Variants in CLMN observed in about 807,000 individuals in gnomAD.
The protein encoded by CLMN is calmin.
Under a neutral mutation model 92.7 loss-of-function variants are expected in CLMN, and 57 were observed. The ratio of observed to expected loss-of-function variants is 0.61; its 90% CI spans 0.50 to 0.77. CLMN has a LOEUF of 0.77. Ranked by LOEUF, CLMN falls within the 30% of genes least tolerant of loss-of-function variation. CLMN has a pLI of 0.00. For synonymous variants in CLMN, 466 were observed against 470.6 expected, an observed-to-expected ratio of 0.99 and a Z score of 0.13; for missense variants, 1,158 against 1,237.5, an observed-to-expected ratio of 0.94 and a Z score of 0.96.
At chr14:95,289,506 TAAAC>T (rs765758306) in intron 1 of CLMN, among the ~76,000 whole-genome samples, 8,556 of 65,688 alleles carry the variant, frequency 0.13, 326 homozygotes, top group East Asian at 0.4. Flanking sequence ...AATAAATAAA[TAAAC>T]AAACAAACAA....
At position 95,189,119 on chromosome 14, in the gene CLMN, A is replaced by G. The variant is rs1896504057; in HGVS notation, c.*2445T>C. ...GTGCTCCAGGTAATGTCAACACCTA[A>G]TAGAAATGTACTAAATGATGTGATC... On this transcript the variant is annotated 3_prime_UTR_variant, in exon 13 of 13. Coordinates refer to ENST00000298912, the MANE Select transcript of CLMN (RefSeq NM_024734.4). 6.6e-6 allele frequency: 1 copy of G among 152,220 alleles called. No homozygotes were observed. Among genetic ancestry groups the G allele is most frequent in the Admixed American group, 6.5e-5 (1 of 15,284 alleles). 9.4% of individuals were successfully genotyped at this position (152,220 alleles called of 1,614,324 possible).
rs375781840 is a variant in CLMN at position 95,196,587 on chromosome 14, G to A, written c.2619C>T (p.His873=). ...KKKEKRKHVD[H]VESSLFVAPG... ...GTGCTACAAATAGTGAACTTTCTAC[G>A]TGGTCCACATGTTTCCTTTTTTCCT... The change falls in exon 10 of 13, where the codon CAC becomes CAT. Residue 873 remains histidine, a synonymous_variant. Coordinates refer to ENST00000298912, the MANE Select transcript of CLMN (RefSeq NM_024734.4). The A allele has an allele frequency of 2.1e-5, 34 of 1,614,194 alleles. No individual in the cohort carries two copies. Among genetic ancestry groups the A allele is most frequent in the Middle Eastern group, 3.3e-4 (2 of 6,062 alleles).
At chr14:95,196,202 A>C (rs1896706705) in intron 10 of CLMN, among the ~76,000 whole-genome samples, 1 of 152,044 alleles carries the variant, frequency 6.6e-6, no homozygotes, top group African/African-American at 2.4e-5. Flanking sequence ...GTTCACCCCC[A>C]CGCCTACCTA....
chr14:95,193,810 T>C (rs1896620512), intron 12 of CLMN, 39 bp downstream of exon 12: 4 of 1,609,548 alleles, frequency 2.5e-6, no homozygotes, highest in Non-Finnish European at 3.4e-6. Flanking sequence ...AAAAACATTT[T>C]ATTACTACCC....
chr14:95,233,294 CAT>C, intron 1 of CLMN, among the ~76,000 whole-genome samples: 1 of 152,230 alleles, frequency 6.6e-6, no homozygotes, highest in East Asian at 1.9e-4. Flanking sequence ...ACAGTCTACA[CAT>C]AACTCATCTA....
chr14:95,207,334 G>C (rs1230594163), intron 8 of CLMN, among the ~76,000 whole-genome samples: 5 of 152,090 alleles, frequency 3.3e-5, no homozygotes, highest in Admixed American at 6.5e-5. Flanking sequence ...TGCCCAGGCT[G>C]GTCTTTAACT....
At chr14:95,196,360 GAGGATT>G in intron 10 of CLMN, 132 bp downstream of exon 10, 1 of 850,806 alleles carries the variant, frequency 1.2e-6, no homozygotes, top group Admixed American at 3.0e-5. Context: ...TGTAGAGAAT[GAGGATT>G]GTGTATGAAG....
Position 95,213,344 on chromosome 14 carries a change from C to G in CLMN, c.483G>C (p.Gly161=), listed in dbSNP as rs746786368. Reference sequence around the variant, plus strand: ...GGAAGGATGAGTCTGAGTCTGTGCCCCCTGAGCCAGGGGACAAGCTGGAAG... The same window carrying G: ...GGAAGGATGAGTCTGAGTCTGTGCCGCCTGAGCCAGGGGACAAGCTGGAAG... ...SPSSSLSPGS[G]GTDSDSSFPP... The change falls in exon 6 of 13, where the codon GGG becomes GGC. Residue 161 remains glycine, a synonymous_variant. Coordinates refer to ENST00000298912, the MANE Select transcript of CLMN (RefSeq NM_024734.4). The G allele has an allele frequency of 6.2e-7, 1 of 1,613,296 alleles. No individual in the cohort carries two copies. The highest frequency in any genetic ancestry group is 1.1e-5 in the South Asian group (1 of 90,890).
intron 1 of CLMN, among the ~76,000 whole-genome samples, chr14:95,305,813 C>A (rs780896134): frequency 6.6e-6 from 1 of 152,194 alleles, no homozygotes; most frequent in African/African-American, 2.4e-5. Context: ...AAGCAGGATG[C>A]AAACAGAGGA....
At chr14:95,211,157 G>A (rs1210779157) in intron 6 of CLMN, among the ~76,000 whole-genome samples, 2 of 152,220 alleles carry the variant, frequency 1.3e-5, no homozygotes, top group Admixed American at 1.3e-4. Context: ...CAACTGTATA[G>A]ACCATTCCTT....
chr14:95,204,164 G>C lies in CLMN; in HGVS notation c.1185C>G (p.Thr395=), dbSNP rs777611166. 6.2e-7 allele frequency: 1 copy of C among 1,614,108 alleles called. No homozygotes were observed. The highest frequency in any genetic ancestry group is 8.5e-7 in the Non-Finnish European group (1 of 1,180,028). The change falls in exon 9 of 13, where the codon ACC becomes ACG. Residue 395 remains threonine, a synonymous_variant. Coordinates refer to ENST00000298912, the MANE Select transcript of CLMN (RefSeq NM_024734.4). The part of the protein sequence containing the change: ...DQVLQGGPGK[T]SDISEPSPES... ...CTGGAGATGGCTCACTGATGTCGCTGGTCTTACCTGGGCCCCCTTGCAGGA... is the reference window on the plus strand; with the variant it reads ...CTGGAGATGGCTCACTGATGTCGCTCGTCTTACCTGGGCCCCCTTGCAGGA...
At chr14:95,283,457 G>A (rs186568630) in intron 1 of CLMN, among the ~76,000 whole-genome samples, 261 of 152,320 alleles carry the variant, frequency 1.7e-3, no homozygotes, top group Middle Eastern at 6.8e-3. Context: ...ACGTGGAAGC[G>A]ACTTTGGAAC....
intron 1 of CLMN, chr14:95,260,467 C>T (rs1595069954): frequency 6.6e-6 from 1 of 151,834 alleles, no homozygotes; most frequent in East Asian, 1.9e-4. Flanking sequence ...ATGGATCCAA[C>T]AAACAAATTA....
At chr14:95,273,520 T>C (rs1052136698) in intron 1 of CLMN, among the ~76,000 whole-genome samples, 2 of 152,194 alleles carry the variant, frequency 1.3e-5, no homozygotes, top group African/African-American at 4.8e-5. Flanking sequence ...GGTTCACCCC[T>C]AAATAAACAC....
intron 1 of CLMN, among the ~76,000 whole-genome samples, chr14:95,279,586 A>T: frequency 6.6e-6 from 1 of 152,260 alleles, no homozygotes. Flanking sequence ...GATCGAGACC[A>T]TCCTGGCTAA....
intron 1 of CLMN, among the ~76,000 whole-genome samples, chr14:95,279,037 C>T (rs186781405): frequency 7.2e-5 from 11 of 152,282 alleles, no homozygotes; most frequent in Non-Finnish European, 1.6e-4. Flanking sequence ...CTTACGACTA[C>T]TGGATCTTCT....
In CLMN at chr14:95,200,381, A is replaced by C. The variant is rs531500636; in HGVS notation, c.2511+2457T>G. ...TTCCTTCTTTTTTTATCTTCCTGGC[A>C]GTGCCAGATGCATCGCTTTCCATGG... On this transcript the variant is annotated intron_variant, in intron 9 of 12. Transcript: ENST00000298912. 4.6e-5 allele frequency among the ~76,000 whole-genome samples: 7 copies of C among 152,194 alleles called. 1 individual carries two copies. The highest frequency in any genetic ancestry group is 1.0e-4 in the Non-Finnish European group (7 of 68,026).
At chr14:95,290,964 A>G (rs2140758447) in intron 1 of CLMN, among the ~76,000 whole-genome samples, 1 of 152,322 alleles carries the variant, frequency 6.6e-6, no homozygotes, top group Non-Finnish European at 1.5e-5. Flanking sequence ...AGCAGAGATG[A>G]CACAAACACG....
rs199944710 is a variant in CLMN, at chr14:95,213,378, T to C, written c.449A>G (p.Asn150Ser). Residue 150 changes from asparagine to serine, a missense_variant, in exon 6 of 13, where the codon AAC becomes AGC. Coordinates refer to ENST00000298912, the MANE Select transcript of CLMN (RefSeq NM_024734.4). ...AGGGGACAAGCTGGAAGATGGAGAGTTTCTGCTGAGGTTGCCTGTGAGCTC... is the reference window on the plus strand; with the variant it reads ...AGGGGACAAGCTGGAAGATGGAGAGCTTCTGCTGAGGTTGCCTGTGAGCTC... ...IKELTGNLSR[N>S]SPSSSLSPGS... 10 of 1,611,052 alleles carry C rather than the reference T, an allele frequency of 6.2e-6. No homozygotes were observed. Among genetic ancestry groups the C allele is most frequent in the Non-Finnish European group, 7.6e-6 (9 of 1,178,942 alleles).
Sources: allele counts gnomAD v4.1 joint callset (sites outside exome capture counted in the v4.1 genomes callset), GRCh38; gene constraint gnomAD v4.1.1; transcripts MANE v1.5; gene names NCBI Gene and HGNC (gene_info 2026-07-23, HGNC 2026-07-21).